ZFPM2: variants seen among roughly 807,000 people sequenced by gnomAD.
The protein encoded by ZFPM2 is zinc finger protein ZFPM2.
Under a neutral mutation model 98.6 loss-of-function variants are expected in ZFPM2, and 20 were observed. The ratio of observed to expected loss-of-function variants is 0.20; its 90% CI spans 0.14 to 0.29. ZFPM2 has a LOEUF of 0.29. ZFPM2 is among the 10% of genes least tolerant of loss of function. The pLI is 1.00. For missense variants in ZFPM2, 1,310 were observed against 1,388.6 expected (o/e 0.94, Z 0.90); for synonymous variants, 518 against 502.7 (o/e 1.03, Z -0.41).
intron 3 of ZFPM2, among the ~76,000 whole-genome samples, chr8:105,541,202 A>G (rs996831283): frequency 1.3e-5 from 2 of 152,142 alleles, no homozygotes; most frequent in Non-Finnish European, 2.9e-5. Context: ...TTTTAAGTGC[A>G]TGCTTTAGGT....
intron 5 of ZFPM2, among the ~76,000 whole-genome samples, chr8:105,660,737 T>C (rs892867768): frequency 2.6e-5 from 4 of 152,234 alleles, no homozygotes; most frequent in African/African-American, 9.6e-5. Context: ...TAAAGTATTG[T>C]AGGAACTTTG....
intron 5 of ZFPM2, among the ~76,000 whole-genome samples, chr8:105,765,343 C>T (rs1361097473): frequency 1.3e-5 from 2 of 151,640 alleles, no homozygotes; most frequent in African/African-American, 2.4e-5. Flanking sequence ...TCATTCAAGC[C>T]ACTGTCAATT....
intron 3 of ZFPM2, among the ~76,000 whole-genome samples, chr8:105,551,626 C>T (rs1245478577): frequency 1.3e-5 from 2 of 152,078 alleles, no homozygotes; most frequent in Admixed American, 6.6e-5. Context: ...TTTCCCTTGT[C>T]ATTTATTCAT....
intron 4 of ZFPM2, among the ~76,000 whole-genome samples, chr8:105,627,774 G>A (rs557973751): frequency 3.9e-5 from 6 of 152,232 alleles, no homozygotes; most frequent in Non-Finnish European, 7.4e-5. Flanking sequence ...TGGATCTTAC[G>A]GGTTCTGTGT....
intron 3 of ZFPM2, among the ~76,000 whole-genome samples, chr8:105,503,314 T>C (rs1182610984): frequency 1.3e-5 from 2 of 152,184 alleles, no homozygotes; most frequent in Non-Finnish European, 2.9e-5. Context: ...TGTTGATATG[T>C]AATGGTCCAG....
chr8:105,635,404 T>C (rs1382428066), intron 5 of ZFPM2, among the ~76,000 whole-genome samples: 1 of 151,980 alleles, frequency 6.6e-6, no homozygotes, highest in Non-Finnish European at 1.5e-5. Flanking sequence ...GATTGTCTCT[T>C]AACTACCATA....
chr8:105,392,893 A>G (rs1811136193), intron 1 of ZFPM2, among the ~76,000 whole-genome samples: 1 of 152,156 alleles, frequency 6.6e-6, no homozygotes, highest in African/African-American at 2.4e-5. Flanking sequence ...GTGTCAGATA[A>G]TAGGTTTTAT....
intron 4 of ZFPM2, among the ~76,000 whole-genome samples, chr8:105,604,855 A>G (rs1341036944): frequency 6.6e-6 from 1 of 152,082 alleles, no homozygotes; most frequent in Non-Finnish European, 1.5e-5. Flanking sequence ...GTGTTCATAT[A>G]TATCTTTTTC....
intron 3 of ZFPM2, 59 bp from the exon 4 acceptor site, chr8:105,561,304 G>A (rs1331038575): frequency 7.8e-6 from 10 of 1,288,046 alleles, no homozygotes; most frequent in Non-Finnish European, 1.1e-5. Flanking sequence ...CACAAAAAGA[G>A]GTGGCTGCTG....
chr8:105,493,430 T>C (rs1238152932), intron 3 of ZFPM2, among the ~76,000 whole-genome samples: 1 of 152,178 alleles, frequency 6.6e-6, no homozygotes, highest in East Asian at 1.9e-4. Context: ...AAGTCCACAA[T>C]TTTTTACACT....
intron 3 of ZFPM2, among the ~76,000 whole-genome samples, chr8:105,512,414 CT>C (rs1470783616): frequency 6.6e-6 from 1 of 152,102 alleles, no homozygotes; most frequent in East Asian, 1.9e-4. Context: ...ACGCTGTATT[CT>C]TTTGTAAAAC....
At chr8:105,475,326 G>T (rs1406258414) in intron 3 of ZFPM2, among the ~76,000 whole-genome samples, 5 of 152,078 alleles carry the variant, frequency 3.3e-5, no homozygotes, top group African/African-American at 1.2e-4. Context: ...CTCAACCAAC[G>T]ATTCATTTGA....
chr8:105,614,143 A>AT, intron 4 of ZFPM2, among the ~76,000 whole-genome samples: 1 of 152,204 alleles, frequency 6.6e-6, no homozygotes, highest in Non-Finnish European at 1.5e-5. Context: ...ACAGATCATT[A>AT]TTTTTTTCCA....
chr8:105,781,150 T>C (rs1294027855), intron 5 of ZFPM2, among the ~76,000 whole-genome samples: 1 of 152,172 alleles, frequency 6.6e-6, no homozygotes, highest in Non-Finnish European at 1.5e-5. Context: ...TTGATGGCTC[T>C]TGGGTAGGGT....
intron 5 of ZFPM2, among the ~76,000 whole-genome samples, chr8:105,778,705 TCA>T: frequency 6.6e-6 from 1 of 152,308 alleles, no homozygotes; most frequent in South Asian, 2.1e-4. Context: ...TGCAGAAATA[TCA>T]GTCTACATCT....
chr8:105,547,542 CAAAAAAAAAAAAAAA>C (rs148322534), intron 3 of ZFPM2, among the ~76,000 whole-genome samples: 1 of 47,188 alleles, frequency 2.1e-5, no homozygotes, highest in Non-Finnish European at 3.7e-5. Context: ...AACTCCATCT[CAAAAAAAAAAAAAAA>C]AAAAAAAAAA....
rs111945651 is a variant in ZFPM2, at chr8:105,361,519, T to C, written c.40+42538T>C. Among the ~76,000 whole-genome samples, 1,007 of 152,152 alleles carry C rather than the reference T, an allele frequency of 6.6e-3. 12 individuals are homozygous for C. Among genetic ancestry groups the C allele is most frequent in the African/African-American group, 0.023 (965 of 41,496 alleles). ...ATTTTGGCTTTTGTTGCCATTGCTT[T>C]TGGTGTTTTAGACATGGAGATCTTT... On this transcript the variant is annotated intron_variant, in intron 1 of 7. Transcript: ENST00000407775.
intron 3 of ZFPM2, among the ~76,000 whole-genome samples, chr8:105,493,409 G>A (rs1459544552): frequency 2.0e-5 from 3 of 152,190 alleles, no homozygotes; most frequent in Non-Finnish European, 4.4e-5. Context: ...AACCCTTGAA[G>A]AAAGATGATG....
chr8:105,494,229 T>A (rs1172885515), intron 3 of ZFPM2, among the ~76,000 whole-genome samples: 21 of 86,022 alleles, frequency 2.4e-4, no homozygotes, highest in African/African-American at 8.0e-4. Flanking sequence ...ATATATATAA[T>A]CTCAAACTCA....
Sources: allele counts gnomAD v4.1 joint callset (sites outside exome capture counted in the v4.1 genomes callset), GRCh38; gene constraint gnomAD v4.1.1; transcripts MANE v1.5; gene names NCBI Gene and HGNC (gene_info 2026-07-23, HGNC 2026-07-21).